The following MAD1L1 variants were observed in gnomAD, a reference collection of about 807,000 sequenced individuals.
MAD1L1 encodes the protein mitotic arrest deficient 1 like 1.
MAD1L1 carries 95 observed loss-of-function variants against 96.9 expected under a neutral mutation model. The ratio of observed to expected loss-of-function variants is 0.98; its 90% CI spans 0.83 to 1.16. The LOEUF is 1.16. MAD1L1 is among the 50% of genes most tolerant of loss of function. The pLI, the probability that MAD1L1 is intolerant of heterozygous loss-of-function variation, is 0.00. For missense variants in MAD1L1, 1,007 were observed against 954.4 expected (o/e 1.06, Z -0.73); for synonymous variants, 473 against 396.6 (o/e 1.19, Z -2.29).
At chr7:2,117,202 G>A (rs1194463410) in intron 11 of MAD1L1, among the ~76,000 whole-genome samples, 1 of 152,204 alleles carries the variant, frequency 6.6e-6, no homozygotes, top group Non-Finnish European at 1.5e-5. Flanking sequence ...CGGGCCCTGG[G>A]GGCCACCGTC....
intron 17 of MAD1L1, among the ~76,000 whole-genome samples, chr7:1,928,963 TGCAGAGGACAC>T (rs1349102209): frequency 6.6e-6 from 1 of 152,114 alleles, no homozygotes; most frequent in Admixed American, 6.5e-5. Flanking sequence ...GTCCTGAGAC[TGCAGAGGACAC>T]GCGCCGATAC....
chr7:2,055,217 C>T (rs1222753500), intron 12 of MAD1L1, among the ~76,000 whole-genome samples: 2 of 152,114 alleles, frequency 1.3e-5, no homozygotes, highest in African/African-American at 2.4e-5. Flanking sequence ...AATGAGCACA[C>T]GCCAGGACGT....
At chr7:2,055,809 T>A (rs1475763024) in intron 12 of MAD1L1, among the ~76,000 whole-genome samples, 1 of 151,430 alleles carries the variant, frequency 6.6e-6, no homozygotes, top group Non-Finnish European at 1.5e-5. Flanking sequence ...CAAAACCCCG[T>A]CTCTACTACA....
At chr7:1,972,179 C>T (rs970688744) in intron 15 of MAD1L1, among the ~76,000 whole-genome samples, 5 of 152,170 alleles carry the variant, frequency 3.3e-5, no homozygotes, top group African/African-American at 9.7e-5. Context: ...CAGACACAGG[C>T]CTGTCCTGAC....
intron 16 of MAD1L1, among the ~76,000 whole-genome samples, chr7:1,950,095 G>A (rs1779420283): frequency 6.6e-6 from 1 of 152,042 alleles, no homozygotes; most frequent in South Asian, 2.1e-4. Flanking sequence ...TCTAGACAAA[G>A]GACAAGGGCT....
At chr7:2,224,612 C>T (rs539792127) in intron 4 of MAD1L1, among the ~76,000 whole-genome samples, 31 of 152,102 alleles carry the variant, frequency 2.0e-4, no homozygotes, top group Admixed American at 2.0e-3. Flanking sequence ...GATGTCAGGG[C>T]GGGGCTGGAC....
chr7:1,829,219 C>A (rs1004665705), intron 18 of MAD1L1, among the ~76,000 whole-genome samples: 1 of 152,270 alleles, frequency 6.6e-6, no homozygotes, highest in Non-Finnish European at 1.5e-5. Context: ...CCACCCGCAT[C>A]AGCGCCAGCC....
At chr7:2,124,355 C>T (rs1432481000) in intron 11 of MAD1L1, among the ~76,000 whole-genome samples, 1 of 152,172 alleles carries the variant, frequency 6.6e-6, no homozygotes, top group African/African-American at 2.4e-5. Context: ...TACCACGGGG[C>T]GTGGAACTGA....
At chr7:1,863,574 C>T (rs1186926033) in intron 18 of MAD1L1, among the ~76,000 whole-genome samples, 1 of 152,246 alleles carries the variant, frequency 6.6e-6, no homozygotes, top group African/African-American at 2.4e-5. Context: ...CCACATCTCA[C>T]CCCCAGACCC....
intron 10 of MAD1L1, among the ~76,000 whole-genome samples, chr7:2,171,821 G>A (rs568602586): frequency 1.2e-4 from 18 of 152,330 alleles, no homozygotes; most frequent in Non-Finnish European, 2.4e-4. Context: ...AGGCCTCACC[G>A]TGCCCAGTAA....
intron 18 of MAD1L1, chr7:1,829,466 G>C (rs13242649): frequency 6.6e-6 from 1 of 152,064 alleles, no homozygotes; most frequent in South Asian, 2.1e-4. Flanking sequence ...GTACCTGGAC[G>C]TGGGACCTTC....
chr7:2,113,688 G>A (rs768525065), intron 11 of MAD1L1, among the ~76,000 whole-genome samples: 3 of 152,148 alleles, frequency 2.0e-5, no homozygotes, highest in Admixed American at 6.5e-5. Context: ...GGAGGCCTTC[G>A]CCAGGTGACC....
intron 18 of MAD1L1, among the ~76,000 whole-genome samples, chr7:1,837,574 G>C (rs1276458006): frequency 1.3e-5 from 2 of 152,256 alleles, no homozygotes; most frequent in African/African-American, 4.8e-5. Context: ...GATGGATGAA[G>C]ACATTGTGGT....
chr7:1,936,875 G>A lies in MAD1L1; in HGVS notation c.1619C>T (p.Thr540Ile), dbSNP rs749595427. 5.7e-5 allele frequency: 92 copies of A among 1,602,172 alleles called. No homozygotes were observed. The highest frequency in any genetic ancestry group is 7.5e-5 in the Non-Finnish European group (88 of 1,174,048). ...GTTCAGGCTCATGTGCAGCACTTTG[G>A]TCCTGCTCTGGTCATAGTCACCCTG... ...ALQGDYDQSR[T>I]KVLHMSLNPT... Residue 540 changes from threonine (T) to isoleucine (I), a missense_variant, in exon 17 of 19, where the codon ACC (threonine) becomes ATC (isoleucine). Coordinates refer to ENST00000265854, the MANE Select transcript of MAD1L1 (RefSeq NM_001013836.2).
intron 12 of MAD1L1, among the ~76,000 whole-genome samples, chr7:2,043,032 C>A (rs1247529280): frequency 1.3e-5 from 2 of 152,124 alleles, no homozygotes; most frequent in Non-Finnish European, 2.9e-5. Context: ...CACAGCCCTG[C>A]ACTTAGAAAC....
At chr7:1,900,199 T>G (rs73288780) in intron 17 of MAD1L1, among the ~76,000 whole-genome samples, 8,799 of 152,262 alleles carry the variant, frequency 0.058, 593 homozygotes, top group African/African-American at 0.16. Flanking sequence ...CCACACACAA[T>G]GACACCCAGG....
intron 11 of MAD1L1, among the ~76,000 whole-genome samples, chr7:2,071,163 C>A (rs758879692): frequency 6.6e-6 from 1 of 152,190 alleles, no homozygotes; most frequent in Non-Finnish European, 1.5e-5. Flanking sequence ...GTGGTCTCCA[C>A]TGGACTCATG....
chr7:2,068,713 C>T (rs1784992152), intron 12 of MAD1L1, among the ~76,000 whole-genome samples: 1 of 152,218 alleles, frequency 6.6e-6, no homozygotes, highest in Non-Finnish European at 1.5e-5. Flanking sequence ...CGGTGCCAGG[C>T]ATCAGAACCC....
intron 10 of MAD1L1, among the ~76,000 whole-genome samples, chr7:2,181,993 GT>G (rs1373876960): frequency 6.6e-6 from 1 of 152,104 alleles, no homozygotes; most frequent in Admixed American, 6.6e-5. Context: ...GGACACAAAG[GT>G]GTAAGAGGGA....
Sources: allele counts gnomAD v4.1 joint callset (sites outside exome capture counted in the v4.1 genomes callset), GRCh38; gene constraint gnomAD v4.1.1; transcripts MANE v1.5; gene names NCBI Gene and HGNC (gene_info 2026-07-23, HGNC 2026-07-21).